The following WWC2 variants were observed in gnomAD, a reference collection of about 807,000 sequenced individuals.
WWC2 encodes protein WWC2.
A neutral mutation model predicts 138.5 loss-of-function variants in WWC2; 101 were observed. The ratio of observed to expected loss-of-function variants is 0.73; its 90% CI spans 0.62 to 0.86. WWC2 has a LOEUF of 0.86. WWC2 is among the 40% of genes least tolerant of loss of function. The pLI, the probability that WWC2 is intolerant of heterozygous loss-of-function variation, is 0.00. For synonymous variants in WWC2, 558 were observed against 538.4 expected (o/e 1.04, Z -0.50); for missense variants, 1,420 against 1,419.4 (o/e 1.00, Z -0.01).
intron 4 of WWC2, among the ~76,000 whole-genome samples, chr4:183,226,095 CTT>C (rs11321151): frequency 3.0e-4 from 34 of 113,520 alleles, no homozygotes; most frequent in Admixed American, 5.9e-4. Flanking sequence ...CTTTTCTTTT[CTT>C]TTTTTTTTTT....
chr4:183,241,422 A>G (rs1050318294), intron 5 of WWC2, among the ~76,000 whole-genome samples: 1 of 152,296 alleles, frequency 6.6e-6, no homozygotes, highest in East Asian at 1.9e-4. Flanking sequence ...ATACGCAGGC[A>G]CTGCTCTTGA....
chr4:183,298,338 A>T (rs1183412546), intron 21 of WWC2, among the ~76,000 whole-genome samples: 1 of 152,202 alleles, frequency 6.6e-6, no homozygotes, highest in Non-Finnish European at 1.5e-5. Context: ...TCATATACAA[A>T]ATGCTGTCTT....
At chr4:183,245,342 C>T in intron 5 of WWC2, 74 bp from the exon 6 acceptor site, 1 of 1,304,424 alleles carries the variant, frequency 7.7e-7, no homozygotes, top group Non-Finnish European at 9.9e-7. Flanking sequence ...CAATTCCAAA[C>T]CACTTCCTAC....
chr4:183,279,528 T>C (rs1033862675), intron 16 of WWC2, among the ~76,000 whole-genome samples: 13 of 152,212 alleles, frequency 8.5e-5, no homozygotes, highest in African/African-American at 3.1e-4. Flanking sequence ...TTTCTATTGA[T>C]TGGAATAGTT....
chr4:183,214,066 C>T (rs1735681179), intron 4 of WWC2, among the ~76,000 whole-genome samples: 1 of 152,006 alleles, frequency 6.6e-6, no homozygotes, highest in Non-Finnish European at 1.5e-5. Context: ...AAAAGAAAGT[C>T]TTTAGAAATA....
At chr4:183,101,343 C>T (rs1191696177) in intron 1 of WWC2, among the ~76,000 whole-genome samples, 1 of 152,142 alleles carries the variant, frequency 6.6e-6, no homozygotes, top group South Asian at 2.1e-4. Context: ...TTTCACAAGT[C>T]AAGCATGTCC....
chr4:183,165,644 C>A (rs1428450451), intron 1 of WWC2, among the ~76,000 whole-genome samples: 1 of 152,124 alleles, frequency 6.6e-6, no homozygotes, highest in Non-Finnish European at 1.5e-5. Context: ...CCTTCAGACT[C>A]ATAGCAAATA....
intron 11 of WWC2, among the ~76,000 whole-genome samples, chr4:183,264,405 T>C (rs1489719985): frequency 6.6e-6 from 1 of 152,184 alleles, no homozygotes; most frequent in African/African-American, 2.4e-5. Flanking sequence ...AAAAGTTAAG[T>C]GGTCATTGGT....
chr4:183,311,600 GA>G (rs749883044), intron 21 of WWC2, among the ~76,000 whole-genome samples: 12,437 of 128,852 alleles, frequency 0.097, 689 homozygotes, highest in Middle Eastern at 0.2. Flanking sequence ...TTTTTTTTGA[GA>G]CGGAGTCTCA....
intron 2 of WWC2, among the ~76,000 whole-genome samples, chr4:183,202,914 G>C (rs1735341411): frequency 6.6e-6 from 1 of 152,136 alleles, no homozygotes; most frequent in African/African-American, 2.4e-5. Flanking sequence ...AGCGTTAAAG[G>C]CTTTTTATAT....
intron 1 of WWC2, among the ~76,000 whole-genome samples, chr4:183,127,936 A>G (rs938093180): frequency 6.6e-6 from 1 of 152,064 alleles, no homozygotes; most frequent in Non-Finnish European, 1.5e-5. Flanking sequence ...GAACAATCCA[A>G]TCTAATAAAG....
chr4:183,268,568 T>C (rs1737583624), intron 14 of WWC2, among the ~76,000 whole-genome samples: 1 of 152,196 alleles, frequency 6.6e-6, no homozygotes, highest in Non-Finnish European at 1.5e-5. Context: ...GGATGAGGAT[T>C]CTGTGAGATA....
intron 21 of WWC2, 24 bp from the exon 22 acceptor site, chr4:183,312,317 T>C (rs1325701588): frequency 6.2e-7 from 1 of 1,609,648 alleles, no homozygotes; most frequent in African/African-American, 1.3e-5. Context: ...TGTGTGTTTC[T>C]TACATTTTTA....
At chr4:183,243,488 A>T (rs1273283845) in intron 5 of WWC2, among the ~76,000 whole-genome samples, 1 of 152,190 alleles carries the variant, frequency 6.6e-6, no homozygotes. Context: ...CAGAAATTCC[A>T]TTGATAAATC....
At chr4:183,214,446 CT>C (rs1735691237) in intron 4 of WWC2, among the ~76,000 whole-genome samples, 1 of 152,080 alleles carries the variant, frequency 6.6e-6, no homozygotes, top group African/African-American at 2.4e-5. Flanking sequence ...AAATATGACA[CT>C]TTAGCTAATT....
chr4:183,282,379 T>G (rs369099936), intron 17 of WWC2, among the ~76,000 whole-genome samples: 39 of 152,348 alleles, frequency 2.6e-4, no homozygotes, highest in African/African-American at 8.2e-4. Flanking sequence ...CCAAGTTATT[T>G]TATAGTGAGT....
At chr4:183,282,577 C>G in intron 17 of WWC2, 131 bp from the exon 18 acceptor site, 1 of 911,050 alleles carries the variant, frequency 1.1e-6, no homozygotes, top group African/African-American at 1.7e-5. Context: ...GTTAAAAACC[C>G]CAGCCAAAGA....
intron 1 of WWC2, among the ~76,000 whole-genome samples, chr4:183,109,615 A>G (rs1004743533): frequency 6.6e-6 from 1 of 152,210 alleles, no homozygotes; most frequent in Non-Finnish European, 1.5e-5. Flanking sequence ...ATGAGAATCT[A>G]ATGCCACCAC....
chr4:183,286,479 T>TAA (rs1738257879), intron 20 of WWC2, among the ~76,000 whole-genome samples: 1 of 152,176 alleles, frequency 6.6e-6, no homozygotes, highest in South Asian at 2.1e-4. Flanking sequence ...ACAGTTTTTG[T>TAA]AGCTTGCTTA....
Sources: allele counts gnomAD v4.1 joint callset (sites outside exome capture counted in the v4.1 genomes callset), GRCh38; gene constraint gnomAD v4.1.1; transcripts MANE v1.5; gene names NCBI Gene and HGNC (gene_info 2026-07-23, HGNC 2026-07-21).